The following CNTNAP2 variants were observed in gnomAD, a reference collection of about 807,000 sequenced individuals.
CNTNAP2 encodes the protein contactin-associated protein-like 2.
In CNTNAP2, 98 loss-of-function variants were observed where a neutral mutation model predicts 155.2. The observed-to-expected ratio is 0.63, with a 90% CI of 0.54 to 0.75. CNTNAP2 has a LOEUF of 0.75. CNTNAP2 is among the 30% of genes least tolerant of loss of function. The probability of loss-of-function intolerance (pLI) is 0.00; values close to 1 mark genes in which losing one functional copy is unlikely to be tolerated. For synonymous variants in CNTNAP2, 651 were observed against 631.2 expected (o/e 1.03, Z -0.47); for missense variants, 1,727 against 1,688.1 (o/e 1.02, Z -0.40).
At chr7:147,454,307 C>T (rs767008636) in intron 10 of CNTNAP2, among the ~76,000 whole-genome samples, 20 of 152,004 alleles carry the variant, frequency 1.3e-4, no homozygotes, top group Admixed American at 2.6e-4. Context: ...TGCAATAGGA[C>T]GTCGAGTTTA....
intron 15 of CNTNAP2, among the ~76,000 whole-genome samples, chr7:148,041,912 A>C (rs997840254): frequency 2.0e-5 from 3 of 152,212 alleles, no homozygotes; most frequent in Non-Finnish European, 4.4e-5. Context: ...ATAACTTGAG[A>C]AACTCTTCTG....
At chr7:147,184,188 C>A (rs1802520146) in intron 8 of CNTNAP2, among the ~76,000 whole-genome samples, 1 of 152,062 alleles carries the variant, frequency 6.6e-6, no homozygotes, top group Admixed American at 6.6e-5. Flanking sequence ...CAAATGTGGG[C>A]TGTTCAAAGA....
At chr7:147,802,146 G>A (rs1290590863) in intron 13 of CNTNAP2, among the ~76,000 whole-genome samples, 1 of 151,046 alleles carries the variant, frequency 6.6e-6, no homozygotes, top group Non-Finnish European at 1.5e-5. Context: ...CGGGGTCGCG[G>A]CCGGGCAGAG....
At chr7:147,460,141 G>A (rs1797995682) in intron 10 of CNTNAP2, among the ~76,000 whole-genome samples, 1 of 151,828 alleles carries the variant, frequency 6.6e-6, no homozygotes, top group South Asian at 2.1e-4. Flanking sequence ...TAAAAAAAAA[G>A]AAAGAAGAGG....
chr7:147,505,965 T>A (rs1798898900), intron 11 of CNTNAP2, among the ~76,000 whole-genome samples: 1 of 152,210 alleles, frequency 6.6e-6, no homozygotes. Context: ...AAGGAGTCTC[T>A]TAAGAACCGG....
At chr7:147,477,619 A>G (rs1798345455) in intron 10 of CNTNAP2, among the ~76,000 whole-genome samples, 1 of 152,202 alleles carries the variant, frequency 6.6e-6, no homozygotes, top group East Asian at 1.9e-4. Context: ...GCCTAGTAAA[A>G]AATGTTCTAA....
intron 1 of CNTNAP2, among the ~76,000 whole-genome samples, chr7:146,364,755 A>G (rs1795131686): frequency 6.6e-6 from 1 of 152,226 alleles, no homozygotes; most frequent in South Asian, 2.1e-4. Context: ...CTGTTTATGT[A>G]TGGAACAATA....
At chr7:146,710,952 G>C (rs915673253) in intron 1 of CNTNAP2, among the ~76,000 whole-genome samples, 17 of 152,022 alleles carry the variant, frequency 1.1e-4, no homozygotes, top group African/African-American at 4.1e-4. Context: ...CAGAGGGAAA[G>C]TTGAGGCACC....
At chr7:147,883,669 A>C (rs1799559507) in intron 13 of CNTNAP2, among the ~76,000 whole-genome samples, 1 of 152,244 alleles carries the variant, frequency 6.6e-6, no homozygotes, top group Non-Finnish European at 1.5e-5. Context: ...TTCAACTGAT[A>C]GACTGAGGCA....
chr7:147,199,926 T>C (rs927413598), intron 8 of CNTNAP2, among the ~76,000 whole-genome samples: 8 of 152,060 alleles, frequency 5.3e-5, no homozygotes, highest in Admixed American at 1.3e-4. Flanking sequence ...TGGATTCAAG[T>C]GAGAATTAAT....
At chr7:148,308,990 G>A (rs1360567906) in intron 21 of CNTNAP2, among the ~76,000 whole-genome samples, 1 of 152,084 alleles carries the variant, frequency 6.6e-6, no homozygotes, top group African/African-American at 2.4e-5. Flanking sequence ...TGGGCATTTG[G>A]GTTGGTTCCA....
chr7:146,844,184 G>GT (rs1803799220), intron 3 of CNTNAP2, among the ~76,000 whole-genome samples: 1 of 152,142 alleles, frequency 6.6e-6, no homozygotes, highest in Admixed American at 6.5e-5. Flanking sequence ...GTTTCACAAG[G>GT]TTTTAGAGTC....
chr7:147,626,039 T>C (rs73470924), intron 12 of CNTNAP2, among the ~76,000 whole-genome samples: 13,680 of 152,112 alleles, frequency 0.09, 1,712 homozygotes, highest in African/African-American at 0.26. Context: ...GGAAGCCATC[T>C]CTGATGATAT....
At chr7:146,920,602 A>T (rs1416374918) in intron 3 of CNTNAP2, among the ~76,000 whole-genome samples, 1 of 152,194 alleles carries the variant, frequency 6.6e-6, no homozygotes, top group Non-Finnish European at 1.5e-5. Flanking sequence ...TCAGATGGTA[A>T]ATCATATTTA....
intron 13 of CNTNAP2, among the ~76,000 whole-genome samples, chr7:147,791,817 A>G (rs1005085400): frequency 6.6e-6 from 1 of 152,172 alleles, no homozygotes; most frequent in African/African-American, 2.4e-5. Context: ...AACATGCGCC[A>G]TACACATGTT....
At chr7:147,668,031 G>T (rs1450158992) in intron 13 of CNTNAP2, among the ~76,000 whole-genome samples, 1 of 152,140 alleles carries the variant, frequency 6.6e-6, no homozygotes, top group Non-Finnish European at 1.5e-5. Flanking sequence ...GGTTGAACTG[G>T]CAGACAACTT....
chr7:148,232,674 C>A (rs1795984500), intron 20 of CNTNAP2, among the ~76,000 whole-genome samples: 1 of 152,042 alleles, frequency 6.6e-6, no homozygotes, highest in African/African-American at 2.4e-5. Flanking sequence ...AAGGCTAATG[C>A]AAAGATGAAT....
intron 1 of CNTNAP2, among the ~76,000 whole-genome samples, chr7:146,628,181 G>T (rs1799451865): frequency 6.6e-6 from 1 of 152,100 alleles, no homozygotes; most frequent in South Asian, 2.1e-4. Context: ...TATCACCTCA[G>T]CATGCAGACA....
At chr7:146,935,343 A>T (rs1796890441) in intron 3 of CNTNAP2, among the ~76,000 whole-genome samples, 1 of 152,212 alleles carries the variant, frequency 6.6e-6, no homozygotes, top group Admixed American at 6.5e-5. Flanking sequence ...CCAGACTTAT[A>T]TGTAGATAAC....
Sources: allele counts gnomAD v4.1 joint callset (sites outside exome capture counted in the v4.1 genomes callset), GRCh38; gene constraint gnomAD v4.1.1; transcripts MANE v1.5; gene names NCBI Gene and HGNC (gene_info 2026-07-23, HGNC 2026-07-21).